The following HS6ST3 variants were observed in gnomAD, a reference collection of about 807,000 sequenced individuals.
HS6ST3 encodes the protein heparan sulfate 6-O-sulfotransferase 3.
A neutral mutation model predicts 36.7 loss-of-function variants in HS6ST3; 12 were observed. The ratio of observed to expected loss-of-function variants is 0.33; its 90% CI spans 0.21 to 0.53. The LOEUF (loss-of-function observed/expected upper bound fraction) is 0.53. HS6ST3 is among the 20% of genes least tolerant of loss of function. HS6ST3 has a pLI of 0.95. For synonymous variants in HS6ST3, 240 were observed against 257.5 expected (o/e 0.93, Z 0.65); for missense variants, 584 against 640.9 (o/e 0.91, Z 0.96).
chr13:96,338,866 A>G (rs1827564242), intron 1 of HS6ST3, among the ~76,000 whole-genome samples: 2 of 152,140 alleles, frequency 1.3e-5, no homozygotes, highest in African/African-American at 4.8e-5. Context: ...GAACTAACTT[A>G]CACTGAAATT....
intron 1 of HS6ST3, among the ~76,000 whole-genome samples, chr13:96,415,143 A>T (rs2055526617): frequency 6.6e-6 from 1 of 152,214 alleles, no homozygotes; most frequent in African/African-American, 2.4e-5. Context: ...GAATGGGGTG[A>T]CCTGTTCAAC....
rs559147637 is a variant in HS6ST3 at position 96,163,261 on chromosome 13, G to T, written c.707+71692G>T. The stretch of plus-strand genomic sequence containing the variant: ...TTTTTTTTTTTTGAGATGGAGTCTC[G>T]CTCTGTCGCCCAGGCTGGAGTGCAG... On this transcript the variant is annotated intron_variant, in intron 1 of 1. Coordinates refer to ENST00000376705, the MANE Select transcript of HS6ST3 (RefSeq NM_153456.4). Among the ~76,000 whole-genome samples the T allele has an allele frequency of 1.1e-4, 13 of 119,660 alleles. No individual in the cohort carries two copies. In the South Asian group the frequency reaches 3.4e-3, roughly 32 times the overall value. 78.5% of individuals were successfully genotyped at this position (119,660 alleles called of 152,430 possible).
intron 1 of HS6ST3, among the ~76,000 whole-genome samples, chr13:96,728,443 C>T (rs1210457563): frequency 3.3e-5 from 5 of 152,160 alleles, no homozygotes; most frequent in South Asian, 4.1e-4. Context: ...TGAGATTAAA[C>T]ATAATTCAGG....
At chr13:96,442,497 G>T (rs529565535) in intron 1 of HS6ST3, among the ~76,000 whole-genome samples, 1 of 152,110 alleles carries the variant, frequency 6.6e-6, no homozygotes, top group African/African-American at 2.4e-5. Flanking sequence ...CGATGTCCTG[G>T]TAAATTATCA....
intron 1 of HS6ST3, among the ~76,000 whole-genome samples, chr13:96,102,413 G>T (rs658705): frequency 2.0e-5 from 3 of 152,020 alleles, no homozygotes; most frequent in Non-Finnish European, 2.9e-5. Context: ...ACCCAGGAGG[G>T]GGAGGTTGCA....
intron 1 of HS6ST3, among the ~76,000 whole-genome samples, chr13:96,224,655 A>G (rs2054471844): frequency 6.6e-6 from 1 of 152,182 alleles, no homozygotes; most frequent in South Asian, 2.1e-4. Flanking sequence ...AACCTTGCTT[A>G]TATATGTTCA....
intron 1 of HS6ST3, among the ~76,000 whole-genome samples, chr13:96,131,634 G>C (rs2053976094): frequency 6.6e-6 from 1 of 151,784 alleles, no homozygotes; most frequent in Non-Finnish European, 1.5e-5. Flanking sequence ...ACTAAGTTAA[G>C]TTTCTTGACC....
At chr13:96,794,452 G>C (rs1034332399) in intron 1 of HS6ST3, among the ~76,000 whole-genome samples, 1 of 152,008 alleles carries the variant, frequency 6.6e-6, no homozygotes, top group Non-Finnish European at 1.5e-5. Context: ...TCAATATTTA[G>C]ATTTCCTGAA....
chr13:96,488,493 G>C (rs2055927429), intron 1 of HS6ST3, among the ~76,000 whole-genome samples: 1 of 152,016 alleles, frequency 6.6e-6, no homozygotes, highest in South Asian at 2.1e-4. Context: ...ACTGTAAATT[G>C]GTTCATCATT....
intron 1 of HS6ST3, among the ~76,000 whole-genome samples, chr13:96,829,680 A>T (rs943586839): frequency 6.6e-6 from 1 of 152,196 alleles, no homozygotes; most frequent in Non-Finnish European, 1.5e-5. Flanking sequence ...TTATGGATGC[A>T]TAGTATTCCA....
At chr13:96,622,225 A>C (rs544888083) in intron 1 of HS6ST3, among the ~76,000 whole-genome samples, 33 of 152,284 alleles carry the variant, frequency 2.2e-4, no homozygotes, top group Non-Finnish European at 3.2e-4. Flanking sequence ...AAAAAAAAAA[A>C]ACAAAGTTTT....
intron 1 of HS6ST3, among the ~76,000 whole-genome samples, chr13:96,570,360 A>C (rs2056296635): frequency 1.3e-5 from 2 of 152,188 alleles, no homozygotes; most frequent in South Asian, 4.1e-4. Flanking sequence ...TAAGCCACAG[A>C]AAGGTTTTTT....
At chr13:96,663,629 A>G (rs887620466) in intron 1 of HS6ST3, among the ~76,000 whole-genome samples, 3 of 152,210 alleles carry the variant, frequency 2.0e-5, no homozygotes, top group African/African-American at 7.2e-5. Context: ...TGTACCACAC[A>G]GCCCTGTTCC....
intron 1 of HS6ST3, among the ~76,000 whole-genome samples, chr13:96,224,503 A>G (rs922002159): frequency 6.6e-6 from 1 of 152,072 alleles, no homozygotes; most frequent in Non-Finnish European, 1.5e-5. Context: ...TTAATTTAAG[A>G]CAGGATCTCA....
intron 1 of HS6ST3, among the ~76,000 whole-genome samples, chr13:96,532,900 A>G (rs1477186999): frequency 2.6e-5 from 4 of 152,148 alleles, no homozygotes; most frequent in Non-Finnish European, 5.9e-5. Context: ...GTGGGAGGGG[A>G]ACAAGCATAG....
intron 1 of HS6ST3, among the ~76,000 whole-genome samples, chr13:96,184,710 CT>C (rs2054257462): frequency 6.6e-6 from 1 of 152,100 alleles, no homozygotes; most frequent in Admixed American, 6.6e-5. Context: ...CTCTCTTGCC[CT>C]CTGTTTTAAC....
chr13:96,618,275 T>A (rs934421944), intron 1 of HS6ST3, among the ~76,000 whole-genome samples: 6 of 152,126 alleles, frequency 3.9e-5, no homozygotes, highest in African/African-American at 1.4e-4. Context: ...ATTTTAAATT[T>A]TTTTTTGTAA....
chr13:96,748,689 CT>C (rs1350118421), intron 1 of HS6ST3, among the ~76,000 whole-genome samples: 3 of 152,076 alleles, frequency 2.0e-5, no homozygotes, highest in Non-Finnish European at 4.4e-5. Context: ...TGAAGTGTCA[CT>C]TGAGTGCTTG....
chr13:96,591,925 C>T (rs551863472), intron 1 of HS6ST3, among the ~76,000 whole-genome samples: 1 of 151,924 alleles, frequency 6.6e-6, no homozygotes, highest in African/African-American at 2.4e-5. Flanking sequence ...TGAAATTTAC[C>T]AAATACATTT....
Sources: allele counts gnomAD v4.1 joint callset (sites outside exome capture counted in the v4.1 genomes callset), GRCh38; gene constraint gnomAD v4.1.1; transcripts MANE v1.5; gene names NCBI Gene and HGNC (gene_info 2026-07-23, HGNC 2026-07-21).